THEMIS: variants seen among roughly 807,000 people sequenced by gnomAD.
The protein encoded by THEMIS is thymocyte selection associated.
Under a neutral mutation model 52.6 loss-of-function variants are expected in THEMIS, and 37 were observed. The observed-to-expected ratio is 0.70, with a 90% CI of 0.54 to 0.93. The LOEUF (loss-of-function observed/expected upper bound fraction) is 0.93. THEMIS is among the 40% of genes least tolerant of loss of function. The probability of loss-of-function intolerance (pLI) is 0.00; values close to 1 mark genes in which losing one functional copy is unlikely to be tolerated. For missense variants in THEMIS, 808 were observed against 763.1 expected, an observed-to-expected ratio of 1.06 and a Z score of -0.69; for synonymous variants, 292 against 272.7, an observed-to-expected ratio of 1.07 and a Z score of -0.70.
At chr6:127,834,417 C>CAAAA in intron 2 of THEMIS, among the ~76,000 whole-genome samples, 1 of 99,424 alleles carries the variant, frequency 1.0e-5, no homozygotes. Context: ...ACTAAAAATA[C>CAAAA]AAAAAAAAAA....
intron 2 of THEMIS, among the ~76,000 whole-genome samples, chr6:127,844,198 G>A (rs1438381701): frequency 6.6e-6 from 1 of 151,914 alleles, no homozygotes; most frequent in Non-Finnish European, 1.5e-5. Flanking sequence ...GTGATTTGGG[G>A]CAAATTACTT....
In THEMIS at chr6:127,709,977, A is replaced by G. The variant is rs1209000564; in HGVS notation, c.*8T>C. 1.9e-6 allele frequency: 3 copies of G among 1,588,646 alleles called. No individual in the cohort carries two copies. The East Asian group carries it at 6.8e-5, about 36-fold the overall frequency. On this transcript the variant is annotated 3_prime_UTR_variant, in exon 6 of 6. Coordinates refer to ENST00000368248, the MANE Select transcript of THEMIS (RefSeq NM_001010923.3). ...GTTTGCTGCCTAAGTGGCTTCTGTC[A>G]CATCTTGTTATTTTTGATGTTTTTC...
At chr6:127,820,062 A>C (rs891865140) in intron 3 of THEMIS, among the ~76,000 whole-genome samples, 1 of 152,146 alleles carries the variant, frequency 6.6e-6, no homozygotes, top group Non-Finnish European at 1.5e-5. Context: ...TGCAGTACTC[A>C]TGACGTTATT....
chr6:127,883,216 A>G (rs918077142), intron 1 of THEMIS, among the ~76,000 whole-genome samples: 1 of 151,960 alleles, frequency 6.6e-6, no homozygotes, highest in Non-Finnish European at 1.5e-5. Context: ...TTCTATGATG[A>G]TAGCATTTCC....
intron 1 of THEMIS, among the ~76,000 whole-genome samples, chr6:127,861,372 C>T (rs957802597): frequency 6.6e-6 from 1 of 152,124 alleles, no homozygotes; most frequent in South Asian, 2.1e-4. Flanking sequence ...TAATGGATTA[C>T]AGTGTGTTCG....
At chr6:127,771,545 G>A (rs1221087957) in intron 4 of THEMIS, among the ~76,000 whole-genome samples, 1 of 152,128 alleles carries the variant, frequency 6.6e-6, no homozygotes, top group East Asian at 1.9e-4. Flanking sequence ...AAAACAGCAT[G>A]ATACTGGTAC....
At chr6:127,875,826 T>A (rs1192173576) in intron 1 of THEMIS, among the ~76,000 whole-genome samples, 2 of 152,198 alleles carry the variant, frequency 1.3e-5, no homozygotes, top group African/African-American at 4.8e-5. Context: ...ATGTGTCACC[T>A]TGATTGTCCT....
At chr6:127,748,608 G>A (rs559639608) in intron 4 of THEMIS, among the ~76,000 whole-genome samples, 52 of 152,158 alleles carry the variant, frequency 3.4e-4, no homozygotes, top group Non-Finnish European at 6.3e-4. Flanking sequence ...GGAGGAGACA[G>A]TTAAATCGTA....
chr6:127,820,991 AC>A (rs778771963), intron 3 of THEMIS, among the ~76,000 whole-genome samples: 5 of 152,168 alleles, frequency 3.3e-5, no homozygotes, highest in Admixed American at 6.5e-5. Flanking sequence ...AGATAAAGAC[AC>A]CAACACTTAT....
At chr6:127,828,827 G>T (rs1365728520) in intron 3 of THEMIS, among the ~76,000 whole-genome samples, 1 of 152,024 alleles carries the variant, frequency 6.6e-6, no homozygotes, top group African/African-American at 2.4e-5. Context: ...GGTGGCGGGT[G>T]CCTGTAGTCC....
chr6:127,912,494 C>G (rs988457541), intron 1 of THEMIS, among the ~76,000 whole-genome samples: 4 of 152,174 alleles, frequency 2.6e-5, no homozygotes, highest in Admixed American at 2.6e-4. Context: ...ATTTGGAAGT[C>G]AATCTGCATC....
chr6:127,902,791 T>C (rs1241878537), upstream of THEMIS, among the ~76,000 whole-genome samples: 5 of 152,088 alleles, frequency 3.3e-5, no homozygotes, highest in African/African-American at 9.7e-5. Context: ...GTGTATTTCA[T>C]GTGGATGAAT....
Position 127,829,785 on chromosome 6 carries a change from C to T in THEMIS, c.400G>A (p.Glu134Lys). ...TCAACTGAGTTGAGCATGATTTGCT[C>T]ACCCTGCTTTATGATGAGGTTCTCT... ...KLENLIIKQGEQIMLNSVEEI... is the reference protein window; with the variant it reads ...KLENLIIKQGKQIMLNSVEEI... The change falls in exon 3 of 6, where the codon GAG becomes AAG. Residue 134 changes from glutamate to lysine, a missense_variant. Glu to Lys is a moderately conservative substitution (Grantham distance 56, BLOSUM62 1). Coordinates refer to ENST00000368248, the MANE Select transcript of THEMIS (RefSeq NM_001010923.3). The T allele has an allele frequency of 6.2e-7, 1 of 1,614,116 alleles. No homozygotes were observed. Among genetic ancestry groups the T allele is most frequent in the South Asian group, 1.1e-5 (1 of 91,076 alleles).
At chr6:127,785,198 ACCTACCTACC>A (rs1776896908) in intron 4 of THEMIS, among the ~76,000 whole-genome samples, 5 of 130,790 alleles carry the variant, frequency 3.8e-5, no homozygotes, top group South Asian at 2.3e-4. Flanking sequence ...TCTATTATCT[ACCTACCTACC>A]TATTATCTAT....
At chr6:127,770,087 G>A (rs1776332287) in intron 4 of THEMIS, among the ~76,000 whole-genome samples, 1 of 152,174 alleles carries the variant, frequency 6.6e-6, no homozygotes, top group Non-Finnish European at 1.5e-5. Flanking sequence ...AAACATATGT[G>A]TGCATGTGTC....
At chr6:127,746,509 C>A (rs1775394292) in intron 4 of THEMIS, among the ~76,000 whole-genome samples, 2 of 149,746 alleles carry the variant, frequency 1.3e-5, no homozygotes, top group Admixed American at 6.8e-5. Context: ...ATTATTCAAT[C>A]ACAAATTTGG....
chr6:127,790,936 T>G (rs1013527787), intron 4 of THEMIS, among the ~76,000 whole-genome samples: 1 of 152,276 alleles, frequency 6.6e-6, no homozygotes, highest in Non-Finnish European at 1.5e-5. Flanking sequence ...ACCCAGAAAC[T>G]TGGAGATGCC....
At chr6:127,797,365 C>T (rs147048972) in intron 4 of THEMIS, among the ~76,000 whole-genome samples, 1 of 152,296 alleles carries the variant, frequency 6.6e-6, no homozygotes, top group Non-Finnish European at 1.5e-5. Flanking sequence ...CACTACCACC[C>T]TCAGTGCTTC....
intron 5 of THEMIS, 101 bp from the exon 6 acceptor site, chr6:127,710,117 G>T: frequency 1.5e-6 from 1 of 685,652 alleles, no homozygotes; most frequent in Non-Finnish European, 2.3e-6. Flanking sequence ...CATGCATATG[G>T]TTTTTGAGAA....
Sources: allele counts gnomAD v4.1 joint callset (sites outside exome capture counted in the v4.1 genomes callset), GRCh38; gene constraint gnomAD v4.1.1; transcripts MANE v1.5; gene names NCBI Gene and HGNC (gene_info 2026-07-23, HGNC 2026-07-21).